Variants in AUTS2 observed in about 807,000 individuals in gnomAD.
AUTS2 encodes the protein activator of transcription and developmental regulator AUTS2, also known as autism susceptibility gene 2 protein.
In AUTS2, 17 loss-of-function variants were observed where a neutral mutation model predicts 112.4. The ratio of observed to expected loss-of-function variants is 0.15; its 90% CI spans 0.10 to 0.23. AUTS2 has a LOEUF of 0.23. AUTS2 is among the 10% of genes least tolerant of loss of function. The pLI is 1.00. For missense variants in AUTS2, 1,510 were observed against 1,701.6 expected (o/e 0.89, Z 1.98); for synonymous variants, 751 against 702.7 (o/e 1.07, Z -1.09).
chr7:69,743,004 CT>C (rs1246973568), intron 1 of AUTS2, among the ~76,000 whole-genome samples: 5 of 152,168 alleles, frequency 3.3e-5, no homozygotes, highest in Non-Finnish European at 7.4e-5. Context: ...TGGGGAAGGC[CT>C]TCTGCAGAGT....
intron 3 of AUTS2, among the ~76,000 whole-genome samples, chr7:70,121,023 G>T (rs781428386): frequency 6.6e-6 from 1 of 152,116 alleles, no homozygotes; most frequent in Non-Finnish European, 1.5e-5. Flanking sequence ...GAGTAGAATG[G>T]AGAGCCCAGA....
chr7:70,247,507 A>G (rs1026216713), intron 4 of AUTS2, among the ~76,000 whole-genome samples: 2 of 152,226 alleles, frequency 1.3e-5, no homozygotes, highest in South Asian at 2.1e-4. Flanking sequence ...AATGGTTAAA[A>G]TGGTAAATTT....
At chr7:69,920,271 C>T (rs1795755668) in intron 2 of AUTS2, among the ~76,000 whole-genome samples, 1 of 151,968 alleles carries the variant, frequency 6.6e-6, no homozygotes, top group Admixed American at 6.6e-5. Context: ...CTCTCCTCTC[C>T]TCTCCTGTCC....
chr7:70,319,867 T>G (rs1277152219), intron 4 of AUTS2, among the ~76,000 whole-genome samples: 2 of 152,134 alleles, frequency 1.3e-5, no homozygotes, highest in Non-Finnish European at 2.9e-5. Flanking sequence ...AAGCTTACAT[T>G]TTACTGGAGA....
intron 2 of AUTS2, among the ~76,000 whole-genome samples, chr7:69,944,712 G>T (rs1216490186): frequency 6.6e-6 from 1 of 152,054 alleles, no homozygotes; most frequent in African/African-American, 2.4e-5. Context: ...ATTCAGAGGG[G>T]CAGTGTATTC....
intron 1 of AUTS2, among the ~76,000 whole-genome samples, chr7:69,885,289 A>G (rs1361105525): frequency 1.3e-5 from 2 of 152,098 alleles, no homozygotes; most frequent in Non-Finnish European, 2.9e-5. Flanking sequence ...ACAGCTTCTT[A>G]TTTTTTTAAG....
intron 4 of AUTS2, among the ~76,000 whole-genome samples, chr7:70,284,900 C>T (rs1175689888): frequency 1.3e-5 from 2 of 152,210 alleles, no homozygotes; most frequent in South Asian, 2.1e-4. Context: ...ACTCTAGACT[C>T]CTTCCTGCTT....
chr7:70,360,209 C>T (rs553772856), intron 4 of AUTS2, among the ~76,000 whole-genome samples: 1 of 152,264 alleles, frequency 6.6e-6, no homozygotes, highest in South Asian at 2.1e-4. Context: ...CTCACTGGAG[C>T]CTCAACCTCC....
chr7:70,730,615 A>G (rs1563157676), intron 6 of AUTS2, among the ~76,000 whole-genome samples: 1 of 152,224 alleles, frequency 6.6e-6, no homozygotes, highest in African/African-American at 2.4e-5. Context: ...ATAATATTCC[A>G]TTGTATGGAT....
intron 4 of AUTS2, among the ~76,000 whole-genome samples, chr7:70,192,584 G>T (rs1809960059): frequency 6.6e-6 from 1 of 152,186 alleles, no homozygotes; most frequent in African/African-American, 2.4e-5. Context: ...GTTAAGAACT[G>T]CCACACAGTC....
intron 2 of AUTS2, among the ~76,000 whole-genome samples, chr7:70,050,594 T>C (rs1329459369): frequency 6.6e-5 from 10 of 152,204 alleles, no homozygotes; most frequent in Middle Eastern, 3.4e-3. Context: ...TTTAGGCATA[T>C]GGATATTAAA....
At chr7:70,088,771 C>G (rs562274676) in intron 2 of AUTS2, among the ~76,000 whole-genome samples, 6 of 152,038 alleles carry the variant, frequency 3.9e-5, no homozygotes, top group Admixed American at 1.3e-4. Context: ...TACCACCATG[C>G]CCAGCTAATT....
intron 5 of AUTS2, among the ~76,000 whole-genome samples, chr7:70,588,207 C>T (rs1167669481): frequency 1.3e-5 from 2 of 152,216 alleles, no homozygotes; most frequent in Non-Finnish European, 2.9e-5. Flanking sequence ...CTCTGCTCCT[C>T]TCTCGAGCAA....
At chr7:70,228,991 T>C (rs1244355305) in intron 4 of AUTS2, among the ~76,000 whole-genome samples, 1 of 151,958 alleles carries the variant, frequency 6.6e-6, no homozygotes, top group South Asian at 2.1e-4. Context: ...CATAACTATA[T>C]TCTTTCTCTC....
In AUTS2 at chr7:69,616,402, G is replaced by A. The variant is rs143297702; in HGVS notation, c.309+16440G>A. ...TTCCTTTCCCCTCTTAGAAGCAATG[G>A]GATTATTGCAGCCTAGAGGCTCAGT... is the stretch of plus-strand genomic sequence containing the variant. On this transcript the variant is annotated intron_variant, in intron 1 of 18. Coordinates refer to ENST00000342771, the MANE Select transcript of AUTS2 (RefSeq NM_015570.4). Among the ~76,000 whole-genome samples, 210 of 152,216 alleles carry A rather than the reference G, an allele frequency of 1.4e-3. 1 individual carries two copies. In the Middle Eastern group the frequency reaches 0.017, roughly 12 times the overall value.
intron 2 of AUTS2, among the ~76,000 whole-genome samples, chr7:69,939,325 A>C (rs1449122661): frequency 6.6e-6 from 1 of 152,168 alleles, no homozygotes; most frequent in Non-Finnish European, 1.5e-5. Context: ...CTTAAATGTC[A>C]CACTCTCTTT....
chr7:70,063,274 T>C (rs569044888), intron 2 of AUTS2, among the ~76,000 whole-genome samples: 9 of 152,050 alleles, frequency 5.9e-5, no homozygotes, highest in Non-Finnish European at 1.0e-4. Flanking sequence ...TTTTTTTTTT[T>C]CCTTCAAAAT....
intron 5 of AUTS2, among the ~76,000 whole-genome samples, chr7:70,466,661 T>C (rs1286398360): frequency 6.6e-6 from 1 of 152,208 alleles, no homozygotes; most frequent in Admixed American, 6.5e-5. Context: ...TAATACCTGT[T>C]CACAATCTCA....
intron 1 of AUTS2, among the ~76,000 whole-genome samples, chr7:69,841,028 A>T (rs373422746): frequency 1.3e-5 from 2 of 152,328 alleles, no homozygotes; most frequent in East Asian, 1.9e-4. Context: ...AATGGCGGTC[A>T]CCACCTTAAC....
Sources: gnomAD v4.1 joint callset for allele counts (sites outside exome capture counted in the v4.1 genomes callset) on GRCh38, gnomAD v4.1.1 for gene constraint, MANE v1.5 for transcripts, NCBI Gene and HGNC (gene_info 2026-07-23, HGNC 2026-07-21) for gene names.